Variants in RARB observed in about 807,000 individuals in gnomAD.
The protein encoded by RARB is retinoic acid receptor beta, also known as HBV-activated protein.
In RARB, 17 loss-of-function variants were observed where a neutral mutation model predicts 51.9. The ratio of observed to expected loss-of-function variants is 0.33; its 90% CI spans 0.22 to 0.49. The LOEUF is 0.49. Ranked by LOEUF, RARB falls within the 20% of genes least tolerant of loss-of-function variation. RARB has a pLI of 0.99. For missense variants in RARB, 369 were observed against 550.8 expected (o/e 0.67, Z 3.30); for synonymous variants, 215 against 195.4 (o/e 1.10, Z -0.84).
intron 2 of RARB, among the ~76,000 whole-genome samples, chr3:24,954,300 G>C (rs1487552542): frequency 6.6e-6 from 1 of 152,152 alleles, no homozygotes; most frequent in Non-Finnish European, 1.5e-5. Context: ...GTGTCCACTG[G>C]TGTGGATAAT....
At chr3:25,068,593 GC>G (rs1244648697) in intron 3 of RARB, among the ~76,000 whole-genome samples, 1 of 152,084 alleles carries the variant, frequency 6.6e-6, no homozygotes, top group African/African-American at 2.4e-5. Flanking sequence ...TGGGTTGTTA[GC>G]TAGTGCTTTC....
chr3:25,174,546 C>A, exon 5 of RARB: 1 of 1,352,092 alleles, frequency 7.4e-7, no homozygotes, highest in Non-Finnish European at 9.8e-7. Context: ...CATCCGCCTC[C>A]GAGTGGATGC....
At chr3:25,243,527 G>A (rs1422823497) in intron 5 of RARB, among the ~76,000 whole-genome samples, 1 of 152,152 alleles carries the variant, frequency 6.6e-6, no homozygotes, top group Non-Finnish European at 1.5e-5. Context: ...AAGGGGTGTT[G>A]AATTTTATCA....
chr3:25,402,723 G>A (rs1445281723), intron 5 of RARB, among the ~76,000 whole-genome samples: 2 of 152,060 alleles, frequency 1.3e-5, no homozygotes, highest in African/African-American at 4.8e-5. Flanking sequence ...AATGTCGCAT[G>A]TTCTCACTTA....
intron 5 of RARB, among the ~76,000 whole-genome samples, chr3:25,280,074 T>C (rs1434033135): frequency 6.6e-6 from 1 of 152,086 alleles, no homozygotes; most frequent in South Asian, 2.1e-4. Context: ...ATGTTTTATG[T>C]GACACAGGAG....
At chr3:25,286,774 C>T (rs553154671) in intron 5 of RARB, among the ~76,000 whole-genome samples, 3 of 152,150 alleles carry the variant, frequency 2.0e-5, no homozygotes, top group African/African-American at 4.8e-5. Context: ...AACAACCTTG[C>T]GAGGTTGGTA....
intron 5 of RARB, among the ~76,000 whole-genome samples, chr3:25,327,250 T>C (rs2125442837): frequency 6.6e-6 from 1 of 152,284 alleles, no homozygotes; most frequent in African/African-American, 2.4e-5. Flanking sequence ...GGGAATTTCC[T>C]GAGAACTGAA....
chr3:24,925,511 G>A (rs997710581), intron 2 of RARB, among the ~76,000 whole-genome samples: 1 of 151,766 alleles, frequency 6.6e-6, no homozygotes, highest in East Asian at 1.9e-4. Flanking sequence ...GGCATGGTGT[G>A]CATATCTGTG....
At chr3:25,019,240 A>T (rs1340201453) in intron 2 of RARB, among the ~76,000 whole-genome samples, 1 of 152,180 alleles carries the variant, frequency 6.6e-6, no homozygotes, top group Non-Finnish European at 1.5e-5. Flanking sequence ...AAAATGCCCT[A>T]AAAATGTTAA....
chr3:25,350,000 C>T (rs548360272), intron 5 of RARB, among the ~76,000 whole-genome samples: 2 of 152,224 alleles, frequency 1.3e-5, no homozygotes, highest in South Asian at 2.1e-4. Context: ...GGTCTCACCA[C>T]ATGACTGGAT....
chr3:25,408,805 G>T (rs1707483588), intron 5 of RARB, among the ~76,000 whole-genome samples: 1 of 152,190 alleles, frequency 6.6e-6, no homozygotes, highest in Non-Finnish European at 1.5e-5. Context: ...GGAGGCTGAG[G>T]CGGGCAGATC....
At chr3:24,939,914 C>A (rs1695624486) in intron 2 of RARB, among the ~76,000 whole-genome samples, 1 of 152,188 alleles carries the variant, frequency 6.6e-6, no homozygotes, top group African/African-American at 2.4e-5. Context: ...AATCTATATA[C>A]ACAAATAACG....
chr3:25,247,330 T>G (rs1408500946), intron 5 of RARB, among the ~76,000 whole-genome samples: 1 of 152,178 alleles, frequency 6.6e-6, no homozygotes, highest in Admixed American at 6.5e-5. Flanking sequence ...GGGAATGAAC[T>G]GTTCTGTCTT....
intron 3 of RARB, among the ~76,000 whole-genome samples, chr3:25,516,799 G>A (rs991799459): frequency 8.6e-5 from 13 of 151,924 alleles, no homozygotes; most frequent in African/African-American, 3.1e-4. Flanking sequence ...ACTAATTTTT[G>A]TATTTTTAGC....
intron 4 of RARB, among the ~76,000 whole-genome samples, chr3:25,149,228 C>T (rs1438912870): frequency 6.6e-6 from 1 of 152,144 alleles, no homozygotes; most frequent in Admixed American, 6.5e-5. Flanking sequence ...AATTAATCTT[C>T]CATAGGAATG....
At chr3:25,119,547 C>T (rs2125328609) in intron 3 of RARB, among the ~76,000 whole-genome samples, 1 of 152,020 alleles carries the variant, frequency 6.6e-6, no homozygotes, top group Admixed American at 6.6e-5. Flanking sequence ...ACCCTGACCC[C>T]CATCCATCTT....
At chr3:25,017,546 T>G (rs1697540001) in intron 2 of RARB, among the ~76,000 whole-genome samples, 1 of 152,194 alleles carries the variant, frequency 6.6e-6, no homozygotes, top group South Asian at 2.1e-4. Context: ...ACCTAATAAC[T>G]ATCTTAACTT....
intron 5 of RARB, among the ~76,000 whole-genome samples, chr3:25,215,502 G>A (rs186376376): frequency 6.6e-6 from 1 of 152,274 alleles, no homozygotes; most frequent in African/African-American, 2.4e-5. Flanking sequence ...TGAGCACTCT[G>A]GCGGGGTCAT....
chr3:25,094,387 C>T (rs1166576646), intron 3 of RARB, among the ~76,000 whole-genome samples: 1 of 152,026 alleles, frequency 6.6e-6, no homozygotes, highest in Admixed American at 6.6e-5. Context: ...TCTGGAGGAA[C>T]CCCATGAAGA....
Sources: gnomAD v4.1 joint callset for allele counts (sites outside exome capture counted in the v4.1 genomes callset) on GRCh38, gnomAD v4.1.1 for gene constraint, MANE v1.5 for transcripts, NCBI Gene and HGNC (gene_info 2026-07-23, HGNC 2026-07-21) for gene names.